Variants in CHRNA7 observed in about 807,000 individuals in gnomAD.
CHRNA7 encodes the protein cholinergic receptor nicotinic alpha 7 subunit.
A neutral mutation model predicts 48.0 loss-of-function variants in CHRNA7; 17 were observed. The ratio of observed to expected loss-of-function variants is 0.35; its 90% CI spans 0.24 to 0.53. CHRNA7 has a LOEUF of 0.53. Among genes scored for constraint, CHRNA7 ranks in the 20% least tolerant of loss-of-function variants. The pLI, the probability that CHRNA7 is intolerant of heterozygous loss-of-function variation, is 0.92. For missense variants in CHRNA7, 155 were observed against 577.7 expected (o/e 0.27, Z 7.50); for synonymous variants, 75 against 242.3 (o/e 0.31, Z 6.41).
In CHRNA7 at chr15:32,046,531, G is replaced by T. The variant is rs1046208383; in HGVS notation, c.195+15494G>T. Reference sequence around the variant, plus strand: ...TGATGGGGTTGTTTGTTTTTTTCTTGTAAATTTGTTTGAGTTCATTGTAGA... The same window carrying T: ...TGATGGGGTTGTTTGTTTTTTTCTTTTAAATTTGTTTGAGTTCATTGTAGA... On this transcript the variant is annotated intron_variant, in intron 2 of 9. Transcript: ENST00000306901. Among the ~76,000 whole-genome samples the T allele has an allele frequency of 3.1e-3, 463 of 150,572 alleles. 6 individuals are homozygous for T. Among genetic ancestry groups the T allele is most frequent in the African/African-American group, 0.011 (448 of 40,696 alleles).
At chr15:32,048,181 C>T (rs2049590484) in intron 2 of CHRNA7, among the ~76,000 whole-genome samples, 1 of 152,158 alleles carries the variant, frequency 6.6e-6, no homozygotes, top group African/African-American at 2.4e-5. Context: ...TGATGCTGGC[C>T]TCATGAAATG....
intron 2 of CHRNA7, among the ~76,000 whole-genome samples, chr15:32,034,520 G>C (rs1566791221): frequency 6.6e-6 from 1 of 152,078 alleles, no homozygotes; most frequent in African/African-American, 2.4e-5. Flanking sequence ...ATGAGTGTGG[G>C]GACAGTAAGG....
chr15:32,132,172 G>A (rs1278834320), intron 4 of CHRNA7, among the ~76,000 whole-genome samples: 2 of 152,124 alleles, frequency 1.3e-5, no homozygotes, highest in Non-Finnish European at 2.9e-5. Context: ...CAGCGCTCTT[G>A]GCTAGACACG....
At position 32,030,627 on chromosome 15, in the gene CHRNA7, G is replaced by A; in HGVS notation, c.33G>A (p.Ala11=). The A allele has an allele frequency of 6.4e-7, 1 of 1,569,666 alleles. No individual in the cohort carries two copies. Residue 11 remains alanine, a synonymous_variant, in exon 1 of 10, where the codon GCG becomes GCA. Transcript: ENST00000306901. Reference sequence around the variant, plus strand: ...GCTCGCCGGGAGGCGTCTGGCTGGCGCTGGCCGCGTCGCTCCTGCACGGTA... The same window carrying A: ...GCTCGCCGGGAGGCGTCTGGCTGGCACTGGCCGCGTCGCTCCTGCACGGTA... MRCSPGGVWL[A]LAASLLHVSL...
chr15:32,111,574 T>C (rs1255131172), intron 3 of CHRNA7: 5 of 499,030 alleles, frequency 1.0e-5, no homozygotes, highest in Non-Finnish European at 1.4e-5. Context: ...AATGTGTTCA[T>C]GGTGACAGCA....
chr15:32,061,512 T>G (rs1003008523), intron 2 of CHRNA7, among the ~76,000 whole-genome samples: 8 of 152,116 alleles, frequency 5.3e-5, no homozygotes, highest in African/African-American at 1.9e-4. Flanking sequence ...GAACAACATT[T>G]AAAAATGAGA....
chr15:32,143,060 C>G (rs1236106789), intron 4 of CHRNA7, among the ~76,000 whole-genome samples: 2 of 152,172 alleles, frequency 1.3e-5, no homozygotes, highest in African/African-American at 4.8e-5. Context: ...GCATTTAGTG[C>G]TATAAATTTC....
chr15:32,135,874 G>T (rs1184873926), intron 4 of CHRNA7, among the ~76,000 whole-genome samples: 1 of 152,160 alleles, frequency 6.6e-6, no homozygotes, highest in Non-Finnish European at 1.5e-5. Context: ...TAGACTGACT[G>T]CAGACCTTTT....
intron 2 of CHRNA7, among the ~76,000 whole-genome samples, chr15:32,064,218 C>T (rs1169414582): frequency 6.6e-6 from 1 of 151,808 alleles, no homozygotes; most frequent in Non-Finnish European, 1.5e-5. Flanking sequence ...TCCTCGTCTT[C>T]CTCCTTCTTC....
rs1423240337 is a variant in CHRNA7, at chr15:32,168,949, C to G, written c.*491C>G. 1 of 127,406 alleles carries G rather than the reference C, an allele frequency of 7.8e-6. No homozygotes were observed. Among genetic ancestry groups the G allele is most frequent in the African/African-American group, 3.0e-5 (1 of 33,182 alleles). 7.9% of individuals were successfully genotyped at this position (127,406 alleles called of 1,614,324 possible). ...AAAACAAAAACTAAAAACCTCTTAG[C>G]TTTTCTGCAATTCAACTTTTTATTT... On this transcript the variant is annotated 3_prime_UTR_variant, in exon 10 of 10. Transcript: ENST00000306901.
At chr15:32,122,887 CAAA>C (rs61151556) in intron 4 of CHRNA7, among the ~76,000 whole-genome samples, 128 of 107,894 alleles carry the variant, frequency 1.2e-3, no homozygotes, top group Admixed American at 2.2e-3. Flanking sequence ...GCTCTCAAAG[CAAA>C]AAAAAAAAAA....
At chr15:32,116,939 G>C (rs1434028641) in intron 4 of CHRNA7, among the ~76,000 whole-genome samples, 5 of 152,206 alleles carry the variant, frequency 3.3e-5, no homozygotes, top group Admixed American at 2.0e-4. Context: ...GTGGCTGATA[G>C]CAGAGGCTGG....
intron 2 of CHRNA7, among the ~76,000 whole-genome samples, chr15:32,035,675 A>G (rs971399233): frequency 3.3e-5 from 5 of 152,230 alleles, no homozygotes; most frequent in Admixed American, 3.3e-4. Context: ...TTAAAATGCT[A>G]CAACTCCAAC....
At position 32,030,642 on chromosome 15, in the gene CHRNA7, C is replaced by A. The variant is rs762077874; in HGVS notation, c.48C>A (p.Leu16=). 2 of 1,578,512 alleles carry A rather than the reference C, an allele frequency of 1.3e-6. No individual in the cohort carries two copies. Among genetic ancestry groups the A allele is most frequent in the South Asian group, 2.3e-5 (2 of 86,592 alleles). Residue 16 remains leucine (L), a synonymous_variant, in exon 1 of 10, where the codon CTC becomes CTA. Transcript: ENST00000306901. ...GGVWLALAAS[L]LHVSLQGEFQ... ...TCTGGCTGGCGCTGGCCGCGTCGCT[C>A]CTGCACGGTAAAGCCACTGCCTCCC...
chr15:32,101,277 C>G, intron 2 of CHRNA7, 26 bp from the exon 3 acceptor site: 1 of 1,462,524 alleles, frequency 6.8e-7, no homozygotes, highest in Non-Finnish European at 9.3e-7. Flanking sequence ...ATTATTTATG[C>G]TGCTGCTTTT....
chr15:32,123,002 G>A (rs1280836154), intron 4 of CHRNA7, among the ~76,000 whole-genome samples: 2 of 151,938 alleles, frequency 1.3e-5, no homozygotes, highest in Non-Finnish European at 2.9e-5. Context: ...TGAACTTTCT[G>A]GGCAAAAATG....
chr15:32,129,992 A>G (rs1276817810), intron 4 of CHRNA7, among the ~76,000 whole-genome samples: 2 of 151,968 alleles, frequency 1.3e-5, no homozygotes, highest in African/African-American at 2.4e-5. Flanking sequence ...TTCAGTTTCC[A>G]AGTGTTTGGA....
chr15:32,129,625 A>G (rs2051123026), intron 4 of CHRNA7, among the ~76,000 whole-genome samples: 1 of 151,892 alleles, frequency 6.6e-6, no homozygotes, highest in African/African-American at 2.4e-5. Context: ...CATAGAATAC[A>G]TTCGTGGTAT....
At chr15:32,057,947 A>G (rs2049814008) in intron 2 of CHRNA7, among the ~76,000 whole-genome samples, 1 of 152,236 alleles carries the variant, frequency 6.6e-6, no homozygotes, top group Non-Finnish European at 1.5e-5. Flanking sequence ...TCAAGCAGGA[A>G]GATGTCTCCA....
Sources: gnomAD v4.1 joint callset for allele counts (sites outside exome capture counted in the v4.1 genomes callset) on GRCh38, gnomAD v4.1.1 for gene constraint, MANE v1.5 for transcripts, NCBI Gene and HGNC (gene_info 2026-07-23, HGNC 2026-07-21) for gene names.